FAM171A1: variants seen among roughly 807,000 people sequenced by gnomAD.
FAM171A1 encodes protein FAM171A1.
Under a neutral mutation model 74.9 loss-of-function variants are expected in FAM171A1, and 23 were observed. That is an observed-to-expected ratio of 0.31 (90% CI 0.22 to 0.44). The LOEUF (loss-of-function observed/expected upper bound fraction) is 0.44, where lower values mean the gene tolerates loss of function less well. Among genes scored for constraint, FAM171A1 ranks in the 20% least tolerant of loss-of-function variants. The pLI, the probability that FAM171A1 is intolerant of heterozygous loss-of-function variation, is 1.00. For synonymous variants in FAM171A1, 527 were observed against 505.7 expected (o/e 1.04, Z -0.57); for missense variants, 1,162 against 1,159.2 (o/e 1.00, Z -0.03).
In FAM171A1 at chr10:15,329,264, C is replaced by G. The variant is rs77408756; in HGVS notation, c.97+41692G>C. Among the ~76,000 whole-genome samples, 795 of 152,320 alleles carry G rather than the reference C, an allele frequency of 5.2e-3. 13 individuals are homozygous for G. The highest frequency in any genetic ancestry group is 0.018 in the African/African-American group (733 of 41,572). On this transcript the variant is annotated intron_variant, in intron 1 of 7. Transcript: ENST00000378116. ...GTGCTGACCAACCAGCCGGATGCAACAGATGTAGGCTGCAGGGAAACCACT... is the reference window on the plus strand; with the variant it reads ...GTGCTGACCAACCAGCCGGATGCAAGAGATGTAGGCTGCAGGGAAACCACT...
chr10:15,363,169 A>G (rs1423979929), intron 1 of FAM171A1, among the ~76,000 whole-genome samples: 1 of 152,234 alleles, frequency 6.6e-6, no homozygotes, highest in Admixed American at 6.5e-5. Context: ...AGCAGGAGAC[A>G]GTGGGAAAGG....
intron 1 of FAM171A1, among the ~76,000 whole-genome samples, chr10:15,290,602 G>C (rs962547533): frequency 7.9e-5 from 12 of 152,122 alleles, no homozygotes; most frequent in Admixed American, 7.2e-4. Context: ...TAGCTTTATT[G>C]ATTAAATACA....
intron 2 of FAM171A1, among the ~76,000 whole-genome samples, chr10:15,277,370 A>G (rs959969203): frequency 3.9e-5 from 6 of 152,114 alleles, no homozygotes; most frequent in African/African-American, 1.4e-4. Flanking sequence ...GGCACCTGCC[A>G]CCATGCCCAG....
At chr10:15,263,608 G>A (rs540090258) in intron 3 of FAM171A1, among the ~76,000 whole-genome samples, 6 of 152,242 alleles carry the variant, frequency 3.9e-5, no homozygotes, top group Non-Finnish European at 5.9e-5. Flanking sequence ...CAGAGAATAC[G>A]TGTGAGTCTT....
At chr10:15,242,308 G>A (rs560949789) in intron 5 of FAM171A1, among the ~76,000 whole-genome samples, 2 of 152,228 alleles carry the variant, frequency 1.3e-5, no homozygotes, top group South Asian at 2.1e-4. Flanking sequence ...CTTCTATTGA[G>A]TATAATAAGT....
intron 1 of FAM171A1, among the ~76,000 whole-genome samples, chr10:15,329,007 G>A (rs1317037515): frequency 1.3e-5 from 2 of 152,164 alleles, no homozygotes; most frequent in African/African-American, 4.8e-5. Flanking sequence ...TTTCAGTCAC[G>A]CCGCACATAA....
rs553888200 is a variant in FAM171A1, at chr10:15,263,774, T to C, written c.419-8895A>G. Among the ~76,000 whole-genome samples the C allele has an allele frequency of 9.2e-5, 14 of 151,994 alleles. 1 individual carries two copies. The South Asian group carries it at 2.9e-3, about 32-fold the overall frequency. On this transcript the variant is annotated intron_variant, in intron 3 of 7. Coordinates refer to ENST00000378116, the MANE Select transcript of FAM171A1 (RefSeq NM_001010924.2). ...ATCTATCTATCTATCTATCTATCTA[T>C]CTATCTATCTATCATCTATCCATCT...
At position 15,283,890 on chromosome 10, in the gene FAM171A1, T is replaced by C; in HGVS notation, c.313A>G (p.Ile105Val). Residue 105 changes from isoleucine to valine, a missense_variant, in exon 2 of 8, where the codon ATC (isoleucine) becomes GTC (valine). By Grantham distance (29) the Ile-to-Val change is conservative. Coordinates refer to ENST00000378116, the MANE Select transcript of FAM171A1 (RefSeq NM_001010924.2). The part of the protein sequence containing the change: ...YVPNSAPWKP[I>V]RLPVFSSLSL... ...AGGAACGCCTTACCAGGTAACCGGA[T>C]TGGCTTCCATGGGGCAGAGTTTGGC... The C allele has an allele frequency of 2.5e-6, 4 of 1,614,162 alleles. No homozygotes were observed. The highest frequency in any genetic ancestry group is 3.4e-6 in the Non-Finnish European group (4 of 1,180,008).
intron 1 of FAM171A1, among the ~76,000 whole-genome samples, chr10:15,364,618 A>G (rs1276458092): frequency 1.3e-5 from 2 of 152,164 alleles, no homozygotes; most frequent in Non-Finnish European, 2.9e-5. Flanking sequence ...TGGAAACAAC[A>G]CACACTTATA....
intron 1 of FAM171A1, among the ~76,000 whole-genome samples, chr10:15,322,344 T>C (rs1835496689): frequency 6.6e-6 from 1 of 152,230 alleles, no homozygotes; most frequent in Non-Finnish European, 1.5e-5. Context: ...ACTAGTCTTA[T>C]TTATGTTAAG....
intron 1 of FAM171A1, among the ~76,000 whole-genome samples, chr10:15,349,899 T>G (rs894497395): frequency 2.0e-5 from 3 of 151,872 alleles, no homozygotes; most frequent in African/African-American, 7.3e-5. Flanking sequence ...ACAAATCACA[T>G]GAGATTAGCA....
chr10:15,264,348 C>T (rs7073054), intron 3 of FAM171A1, among the ~76,000 whole-genome samples: 31,195 of 151,868 alleles, frequency 0.21, 3,272 homozygotes, highest in Non-Finnish European at 0.24. Context: ...ACTTTTAAAA[C>T]GCAACAAAAC....
At chr10:15,229,192 G>A (rs28455587) in intron 5 of FAM171A1, among the ~76,000 whole-genome samples, 21,805 of 152,132 alleles carry the variant, frequency 0.14, 1,672 homozygotes, top group Middle Eastern at 0.19. Context: ...AACATTTAGG[G>A]TGGGGGGCAA....
chr10:15,243,362 C>T (rs1187263034), intron 5 of FAM171A1, among the ~76,000 whole-genome samples: 1 of 152,064 alleles, frequency 6.6e-6, no homozygotes, highest in Non-Finnish European at 1.5e-5. Context: ...TCCACCAAGT[C>T]CCTTGACCGT....
chr10:15,330,397 T>G (rs921367417), intron 1 of FAM171A1, among the ~76,000 whole-genome samples: 1 of 152,130 alleles, frequency 6.6e-6, no homozygotes, highest in African/African-American at 2.4e-5. Flanking sequence ...GGTAAACAAA[T>G]GCATTTCTTT....
intron 1 of FAM171A1, among the ~76,000 whole-genome samples, chr10:15,370,021 G>C (rs1320229915): frequency 6.6e-6 from 1 of 152,168 alleles, no homozygotes; most frequent in Admixed American, 6.5e-5. Flanking sequence ...AGCAACAGAG[G>C]AGTCCTCGAC....
rs371046474 is a variant in FAM171A1, at chr10:15,267,905, G to C, written c.418+7950C>G. 3.4e-3 allele frequency among the ~76,000 whole-genome samples: 524 copies of C among 152,050 alleles called. 4 individuals are homozygous for C. Among genetic ancestry groups the C allele is most frequent in the African/African-American group, 0.012 (501 of 41,444 alleles). ...CACCTCACAGTGCTGCTCCCCAAGAGTGAGGGACAGTAAAACCACACATTG... is the reference window on the plus strand; with the variant it reads ...CACCTCACAGTGCTGCTCCCCAAGACTGAGGGACAGTAAAACCACACATTG... On this transcript the variant is annotated intron_variant, in intron 3 of 7. Transcript: ENST00000378116.
intron 4 of FAM171A1, among the ~76,000 whole-genome samples, chr10:15,251,542 A>G (rs1207100246): frequency 1.3e-5 from 2 of 151,822 alleles, no homozygotes; most frequent in Non-Finnish European, 2.9e-5. Flanking sequence ...AGCTGGGACA[A>G]CAGGCACACA....
chr10:15,297,052 G>C (rs930879024), intron 1 of FAM171A1, among the ~76,000 whole-genome samples: 1 of 151,838 alleles, frequency 6.6e-6, no homozygotes, highest in Admixed American at 6.6e-5. Context: ...GCGTGTATTA[G>C]AGCTTTTTTT....
Sources: allele counts gnomAD v4.1 joint callset (sites outside exome capture counted in the v4.1 genomes callset), GRCh38; gene constraint gnomAD v4.1.1; transcripts MANE v1.5; gene names NCBI Gene and HGNC (gene_info 2026-07-23, HGNC 2026-07-21).